NSMAF: variants seen among roughly 807,000 people sequenced by gnomAD.
NSMAF encodes protein FAN.
Under a neutral mutation model 134.9 loss-of-function variants are expected in NSMAF, and 90 were observed. The observed-to-expected ratio is 0.67, with a 90% CI of 0.56 to 0.79. NSMAF has a LOEUF of 0.79. Among genes scored for constraint, NSMAF ranks in the 30% least tolerant of loss-of-function variants. The pLI, the probability that NSMAF is intolerant of heterozygous loss-of-function variation, is 0.00. For missense variants in NSMAF, 1,010 were observed against 1,119.0 expected (o/e 0.90, Z 1.39); for synonymous variants, 358 against 389.6 (o/e 0.92, Z 0.96).
chr8:58,591,075 A>T lies in NSMAF; in HGVS notation c.1952-141T>A, dbSNP rs1383663138. 10 of 992,064 alleles carry T rather than the reference A, an allele frequency of 1.0e-5. No individual in the cohort carries two copies. In the East Asian group the frequency reaches 3.1e-4, roughly 31 times the overall value. 61.5% of individuals were successfully genotyped at this position (992,064 alleles called of 1,614,324 possible). A position where few individuals can be genotyped will look rare whatever the true frequency, so the allele number is the denominator to read the frequency against. The stretch of plus-strand genomic sequence containing the variant: ...TATAATCTTATGGAAAACCGAATGT[A>T]AACAGAGCTAGATGACCTAAGGCCT... On this transcript the variant is annotated intron_variant, in intron 23 of 30. Coordinates refer to ENST00000038176, the MANE Select transcript of NSMAF (RefSeq NM_003580.4).
At chr8:58,635,010 A>G (rs1195109330) in intron 5 of NSMAF, among the ~76,000 whole-genome samples, 179 bp downstream of exon 5, 1 of 152,244 alleles carries the variant, frequency 6.6e-6, no homozygotes, top group African/African-American at 2.4e-5. Context: ...CTTAATAAAC[A>G]TGAAGAAGCT....
intron 25 of NSMAF, 52 bp from the exon 26 acceptor site, chr8:58,589,627 T>C: frequency 6.7e-7 from 1 of 1,499,984 alleles, no homozygotes; most frequent in Non-Finnish European, 8.9e-7. Flanking sequence ...ATTTTAAGGC[T>C]CCTAAACATA....
chr8:58,623,541 T>C (rs2129144399), intron 7 of NSMAF, 117 bp from the exon 8 acceptor site: 2 of 1,124,498 alleles, frequency 1.8e-6, no homozygotes, highest in Middle Eastern at 2.0e-4. Context: ...ACTTCTGATA[T>C]ACCTATGGCT....
In NSMAF at chr8:58,587,603, G is replaced by A. The variant is rs1263730492; in HGVS notation, c.2295+15C>T. ...TTAAGGTCAGTTTTCTGTACAGTTT[G>A]TTGCTGGTACTCACACTGACATCAT... On this transcript the variant is annotated intron_variant, in intron 27 of 30. Transcript: ENST00000038176. 3 of 1,611,458 alleles carry A rather than the reference G, an allele frequency of 1.9e-6. No individual in the cohort carries two copies. Among genetic ancestry groups the A allele is most frequent in the South Asian group, 2.2e-5 (2 of 90,992 alleles).
At position 58,657,768 on chromosome 8, in the gene NSMAF, C is replaced by T. The variant is rs143744312; in HGVS notation, c.59+1805G>A. Among the ~76,000 whole-genome samples, 81 of 152,302 alleles carry T rather than the reference C, an allele frequency of 5.3e-4. 1 individual carries two copies. Among genetic ancestry groups the T allele is most frequent in the African/African-American group, 1.4e-3 (58 of 41,570 alleles). On this transcript the variant is annotated intron_variant, in intron 1 of 30. Transcript: ENST00000038176. ...ATTCAAATAAATATAAAACACATGG[C>T]GCCAACTTTTTCAGATGACTGATGC... is the stretch of plus-strand genomic sequence containing the variant.
chr8:58,623,929 G>T, intron 6 of NSMAF, 149 bp from the exon 7 acceptor site: 2 of 632,710 alleles, frequency 3.2e-6, no homozygotes, highest in Non-Finnish European at 2.8e-6. Context: ...AGTTCTAGGG[G>T]AGCAAGTCTA....
chr8:58,654,027 T>C (rs1807645340), intron 1 of NSMAF, among the ~76,000 whole-genome samples: 2 of 152,198 alleles, frequency 1.3e-5, no homozygotes, highest in Non-Finnish European at 2.9e-5. Flanking sequence ...CCCGCTGTTT[T>C]TCATGTGAGA....
chr8:58,659,300 G>C (rs938218159), intron 1 of NSMAF: 10 of 1,525,040 alleles, frequency 6.6e-6, no homozygotes, highest in Non-Finnish European at 7.9e-6. Context: ...CTGCCGGATA[G>C]CTCGGCATGC....
chr8:58,635,786 T>C (rs1293663603), intron 2 of NSMAF, among the ~76,000 whole-genome samples: 1 of 152,256 alleles, frequency 6.6e-6, no homozygotes, highest in Non-Finnish European at 1.5e-5. Flanking sequence ...CTTTGGTTTA[T>C]ATGTGTATCT....
At chr8:58,625,070 A>T (rs1319385891) in intron 6 of NSMAF, among the ~76,000 whole-genome samples, 1 of 152,136 alleles carries the variant, frequency 6.6e-6, no homozygotes, top group Admixed American at 6.5e-5. Context: ...GAATTAGGAG[A>T]CTGAGTAAAA....
At chr8:58,612,218 C>T (rs1806544513) in intron 9 of NSMAF, among the ~76,000 whole-genome samples, 2 of 152,190 alleles carry the variant, frequency 1.3e-5, no homozygotes, top group Non-Finnish European at 2.9e-5. Flanking sequence ...CTTTTGGCCA[C>T]ACTCGCCCTT....
chr8:58,614,356 C>T (rs1006855031), intron 9 of NSMAF, among the ~76,000 whole-genome samples: 2 of 152,084 alleles, frequency 1.3e-5, no homozygotes, highest in African/African-American at 4.8e-5. Context: ...TTACAGATTC[C>T]TCTTCTCTGT....
At chr8:58,616,143 C>T (rs978748165) in intron 9 of NSMAF, among the ~76,000 whole-genome samples, 3 of 152,054 alleles carry the variant, frequency 2.0e-5, no homozygotes, top group African/African-American at 7.2e-5. Context: ...TAAATGGAAT[C>T]CCAAAGGACA....
At chr8:58,594,588 C>A (rs1413693466) in intron 22 of NSMAF, 4 of 387,192 alleles carry the variant, frequency 1.0e-5, no homozygotes, top group Non-Finnish European at 1.9e-5. Context: ...TCCTTCTATT[C>A]CCCCTCGTTT....
chr8:58,623,131 G>A (rs939295000), intron 9 of NSMAF, 89 bp downstream of exon 9: 11 of 1,009,566 alleles, frequency 1.1e-5, no homozygotes, highest in Non-Finnish European at 1.7e-5. Flanking sequence ...TGAGACCAAT[G>A]ATGACAGCAG....
intron 22 of NSMAF, among the ~76,000 whole-genome samples, chr8:58,595,253 C>G (rs2129140113): frequency 6.6e-6 from 1 of 152,300 alleles, no homozygotes; most frequent in East Asian, 1.9e-4. Flanking sequence ...ATTCAAGGAG[C>G]TGTGTACTCC....
At chr8:58,643,331 C>T (rs1389132489) in intron 1 of NSMAF, among the ~76,000 whole-genome samples, 2 of 152,064 alleles carry the variant, frequency 1.3e-5, no homozygotes, top group East Asian at 1.9e-4. Flanking sequence ...TTTACAGAAA[C>T]CCTGAATTTT....
chr8:58,612,822 T>G (rs1418666592), intron 9 of NSMAF, among the ~76,000 whole-genome samples: 1 of 152,114 alleles, frequency 6.6e-6, no homozygotes, highest in East Asian at 1.9e-4. Flanking sequence ...TTCCCCATCA[T>G]ACACTCTGAA....
intron 19 of NSMAF, 61 bp downstream of exon 19, chr8:58,599,158 TCATTTTCCAATGA>T (rs1221361880): frequency 6.9e-7 from 1 of 1,459,316 alleles, no homozygotes; most frequent in Admixed American, 2.0e-5. Flanking sequence ...TTGTTTGCTT[TCATTTTCCAATGA>T]AAATGAATAA....
Sources: gnomAD v4.1 joint callset for allele counts (sites outside exome capture counted in the v4.1 genomes callset) on GRCh38, gnomAD v4.1.1 for gene constraint, MANE v1.5 for transcripts, NCBI Gene and HGNC (gene_info 2026-07-23, HGNC 2026-07-21) for gene names.